KIF26A: variants seen among roughly 807,000 people sequenced by gnomAD.
KIF26A encodes the protein kinesin family member 26A, also known as kinesin-like protein KIF26A.
In KIF26A, 74 loss-of-function variants were observed where a neutral mutation model predicts 126.0. That is an observed-to-expected ratio of 0.59 (90% CI 0.49 to 0.71). The LOEUF (loss-of-function observed/expected upper bound fraction) is 0.71. KIF26A is among the 30% of genes least tolerant of loss of function. The probability of loss-of-function intolerance (pLI) is 0.00; values close to 1 mark genes in which losing one functional copy is unlikely to be tolerated. For synonymous variants in KIF26A, 1,445 were observed against 1,232.7 expected (o/e 1.17, Z -3.61); for missense variants, 2,984 against 2,763.3 (o/e 1.08, Z -1.79).
Position 104,173,711 on chromosome 14 carries a change from G to C in KIF26A, c.1873G>C (p.Gly625Arg). 1 of 1,610,888 alleles carries C rather than the reference G, an allele frequency of 6.2e-7. No homozygotes were observed. Among genetic ancestry groups the C allele is most frequent in the Non-Finnish European group, 8.5e-7 (1 of 1,179,414 alleles). Reference protein sequence around the residue: ...MEKCGRGGMSGGRSRLHLIDL... With the variant: ...MEKCGRGGMSRGRSRLHLIDL... Reference sequence around the variant, plus strand: ...TGCTTGCCTTGTGGTTCCAGTGTCCGGAGGCCGCAGCCGCCTGCACCTCAT... The same window carrying C: ...TGCTTGCCTTGTGGTTCCAGTGTCCCGAGGCCGCAGCCGCCTGCACCTCAT... Residue 625 changes from glycine to arginine, a missense_variant, in exon 10 of 15, where the codon GGA becomes CGA. Coordinates refer to ENST00000423312, the MANE Select transcript of KIF26A (RefSeq NM_015656.2).
At chr14:104,178,523 C>G in intron 12 of KIF26A, 27 bp from the exon 13 acceptor site, 1 of 1,424,630 alleles carries the variant, frequency 7.0e-7, no homozygotes, top group Non-Finnish European at 9.2e-7. Flanking sequence ...CGCCTCTGTT[C>G]ACCCTGTGCC....
Position 104,176,194 on chromosome 14 carries a change from G to A in KIF26A, c.3406G>A (p.Asp1136Asn), listed in dbSNP as rs574213052. 3.1e-5 allele frequency: 50 copies of A among 1,600,046 alleles called. No individual in the cohort carries two copies. The highest frequency in any genetic ancestry group is 2.6e-4 in the South Asian group (23 of 88,566). The stretch of plus-strand genomic sequence containing the variant: ...CACGCCGCAGCCCCGCTTCAGCCCC[G>A]ACTCGCTGGCAGGGCTTGACCCTGG... ...DPTPQPRFSPDSLAGLDPGGP... is the reference protein window; with the variant it reads ...DPTPQPRFSPNSLAGLDPGGP... The change falls in exon 12 of 15, where the codon GAC (aspartate) becomes AAC (asparagine). Residue 1136 changes from aspartate to asparagine, a missense_variant. Coordinates refer to ENST00000423312, the MANE Select transcript of KIF26A (RefSeq NM_015656.2).
intron 13 of KIF26A, 99 bp from the exon 14 acceptor site, chr14:104,179,137 G>C: frequency 2.3e-6 from 3 of 1,307,012 alleles, no homozygotes; most frequent in Non-Finnish European, 3.0e-6. Context: ...GCCTGCCAAG[G>C]CCTGGCAGGT....
chr14:104,164,724 C>T (rs1252466259), intron 4 of KIF26A, among the ~76,000 whole-genome samples: 7 of 151,886 alleles, frequency 4.6e-5, no homozygotes, highest in East Asian at 1.9e-4. Flanking sequence ...AGTGTGTGTG[C>T]GTGTCTGTGT....
chr14:104,156,999 G>A (rs1359530015), intron 3 of KIF26A, among the ~76,000 whole-genome samples: 1 of 152,148 alleles, frequency 6.6e-6, no homozygotes, highest in East Asian at 1.9e-4. Flanking sequence ...AGGGGCCGGG[G>A]CGAGGGGTGG....
At chr14:104,156,990 G>A (rs759260704) in intron 3 of KIF26A, among the ~76,000 whole-genome samples, 2 of 152,126 alleles carry the variant, frequency 1.3e-5, no homozygotes, top group African/African-American at 4.8e-5. Context: ...CCTTGGGGAA[G>A]GGGCCGGGGC....
At chr14:104,171,651 C>A in intron 5 of KIF26A, 72 bp from the exon 6 acceptor site, 1 of 1,331,958 alleles carries the variant, frequency 7.5e-7, no homozygotes, top group Non-Finnish European at 1.0e-6. Context: ...CTGAGCTGGG[C>A]CCCTCCTGCC....
chr14:104,170,327 T>TG (rs2037944917), intron 5 of KIF26A, among the ~76,000 whole-genome samples: 1 of 152,232 alleles, frequency 6.6e-6, no homozygotes, highest in Admixed American at 6.5e-5. Flanking sequence ...TCTTGCCTAA[T>TG]GGAGCCCAGG....
chr14:104,156,377 G>A (rs1022831928), intron 3 of KIF26A, among the ~76,000 whole-genome samples: 5 of 152,186 alleles, frequency 3.3e-5, no homozygotes, highest in Admixed American at 6.5e-5. Context: ...GTGGGGTGTG[G>A]TGTGCTGGCG....
Position 104,152,550 on chromosome 14 carries a change from T to C in KIF26A, c.735+89T>C, listed in dbSNP as rs1175992451. 4 of 1,286,270 alleles carry C rather than the reference T, an allele frequency of 3.1e-6. 1 individual carries two copies. The highest frequency in any genetic ancestry group is 4.2e-6 in the Non-Finnish European group (4 of 957,338). 79.7% of individuals were successfully genotyped at this position (1,286,270 alleles called of 1,614,324 possible). A position where few individuals can be genotyped will look rare whatever the true frequency, so the allele number is the denominator to read the frequency against. On this transcript the variant is annotated intron_variant, in intron 3 of 14. Coordinates refer to ENST00000423312, the MANE Select transcript of KIF26A (RefSeq NM_015656.2). This position sits in a 1 kb window ranked among gnomAD's most constrained non-coding sequence, Gnocchi z 5.9. ...GGGTCTCTGTCCACGTTGAGTGCCC[T>C]GCAGTAAGGCTTCCCTGAAGGGAGG...
chr14:104,179,412 A>C, intron 14 of KIF26A, 26 bp downstream of exon 14: 1 of 1,473,220 alleles, frequency 6.8e-7, no homozygotes, highest in Non-Finnish European at 9.0e-7. Context: ...CCACGGACCC[A>C]GCCCGGCCCA....
intron 13 of KIF26A, 112 bp from the exon 14 acceptor site, chr14:104,179,124 T>A: frequency 6.4e-6 from 8 of 1,244,956 alleles, no homozygotes; most frequent in Non-Finnish European, 8.4e-6. Context: ...AGCCCCACTG[T>A]GTGCCTGCCA....
Position 104,173,749 on chromosome 14 carries a change from C to T in KIF26A, c.1911C>T (p.Ser637=), listed in dbSNP as rs2037985504. ...GCCTGCACCTCATCGACCTGGGCAG[C>T]TGTGAGGCGGCGGCTGGCAGGGCCG... ...RSRLHLIDLG[S]CEAAAGRAGE... is the part of the protein sequence containing the mutation. Residue 637 remains serine (S), a synonymous_variant, in exon 10 of 15, where the codon AGC becomes AGT. Transcript: ENST00000423312. 1.2e-6 allele frequency: 2 copies of T among 1,610,814 alleles called. No individual in the cohort carries two copies. The highest frequency in any genetic ancestry group is 1.7e-5 in the Admixed American group (1 of 59,920).
At position 104,180,502 on chromosome 14, in the gene KIF26A, A is replaced by G. The variant is rs11160791; in HGVS notation, c.*712A>G. 6,722 of 152,362 alleles carry G rather than the reference A, an allele frequency of 0.044. 224 individuals are homozygous for G. The highest frequency in any genetic ancestry group is 0.077 in the Middle Eastern group (23 of 298). The allele number at this position is 152,362 out of a possible 1,614,324, so 9.4% of individuals were successfully genotyped here. ...AACAGACCACCACGACCAACAACAA[A>G]GATGGGGGGTAGGGTTTTGTAAAGG... On this transcript the variant is annotated 3_prime_UTR_variant, in exon 15 of 15. Transcript: ENST00000423312.
chr14:104,158,214 T>C (rs550046886), intron 4 of KIF26A, among the ~76,000 whole-genome samples: 32 of 152,380 alleles, frequency 2.1e-4, no homozygotes, highest in African/African-American at 7.5e-4. Context: ...AGTTGGAGCC[T>C]GGTCCCTGCC....
Position 104,157,869 on chromosome 14 carries a change from G to A in KIF26A, c.850G>A (p.Ala284Thr). The change falls in exon 4 of 15, where the codon GCC becomes ACC. Residue 284 changes from alanine to threonine, a missense_variant. Ala to Thr is a moderately conservative substitution (Grantham distance 58, BLOSUM62 0). Transcript: ENST00000423312. Reference protein sequence around the residue: ...AWGRGGVCTSALVTPTPGSVG... With the variant: ...AWGRGGVCTSTLVTPTPGSVG... ...GGGCCGTGGTGGAGTCTGCACGTCA[G>A]CCCTGGTCACCCCCACCCCGGGCTC... The A allele has an allele frequency of 2.5e-6, 4 of 1,600,462 alleles. No individual in the cohort carries two copies. The highest frequency in any genetic ancestry group is 3.4e-6 in the Non-Finnish European group (4 of 1,172,206).
intron 3 of KIF26A, among the ~76,000 whole-genome samples, chr14:104,153,115 G>T (rs1303478644): frequency 6.6e-6 from 1 of 152,252 alleles, no homozygotes; most frequent in East Asian, 1.9e-4. Context: ...GGGCAACATT[G>T]GCCACTGATC....
rs1199597510 is a variant in KIF26A at position 104,151,586 on chromosome 14, C to T, written c.289-429C>T. On this transcript the variant is annotated intron_variant, in intron 2 of 14. Coordinates refer to ENST00000423312, the MANE Select transcript of KIF26A (RefSeq NM_015656.2). The surrounding 1 kb of genome is among the most constrained non-coding windows in gnomAD (Gnocchi z 4.9). ...GAAGAGGAAGGGAGAGGGTCTCCTG[C>T]CCCTGGCTCTGCCTTGAGTGAGTGT... Among the ~76,000 whole-genome samples the T allele has an allele frequency of 6.6e-6, 1 of 152,242 alleles. No individual in the cohort carries two copies. Among genetic ancestry groups the T allele is most frequent in the East Asian group, 1.9e-4 (1 of 5,192 alleles).
At chr14:104,154,281 C>T (rs796278666) in intron 3 of KIF26A, among the ~76,000 whole-genome samples, 20 of 152,240 alleles carry the variant, frequency 1.3e-4, no homozygotes, top group African/African-American at 4.6e-4. Context: ...CTCTGTTACA[C>T]GATGTGGAGA....
Sources: allele counts gnomAD v4.1 joint callset (sites outside exome capture counted in the v4.1 genomes callset), GRCh38; gene constraint gnomAD v4.1.1; non-coding constraint Gnocchi (gnomAD v3.1); transcripts MANE v1.5; gene names NCBI Gene and HGNC (gene_info 2026-07-23, HGNC 2026-07-21).